The following WHRN variants were observed in gnomAD, a reference collection of about 807,000 sequenced individuals.
The protein encoded by WHRN is CASK-interacting protein CIP98.
In WHRN, 41 loss-of-function variants were observed where a neutral mutation model predicts 68.3. That is an observed-to-expected ratio of 0.60 (90% CI 0.47 to 0.78). The LOEUF (loss-of-function observed/expected upper bound fraction) is 0.78. Ranked by LOEUF, WHRN falls within the 30% of genes least tolerant of loss-of-function variation. WHRN has a pLI of 0.00. For synonymous variants in WHRN, 560 were observed against 561.3 expected, an observed-to-expected ratio of 1.00 and a Z score of 0.03; for missense variants, 1,243 against 1,244.7, an observed-to-expected ratio of 1.00 and a Z score of 0.02.
chr9:114,477,877 G>C (rs1841781308), intron 2 of WHRN, among the ~76,000 whole-genome samples: 1 of 152,188 alleles, frequency 6.6e-6, no homozygotes, highest in African/African-American at 2.4e-5. Context: ...GTGTGGCCAT[G>C]CACCTGGGTC....
chr9:114,423,648 T>C, intron 6 of WHRN, 125 bp from the exon 7 acceptor site: 4 of 896,578 alleles, frequency 4.5e-6, no homozygotes, highest in Non-Finnish European at 6.7e-6. Context: ...ACTGTCTGGC[T>C]CCCCAGTGCT....
At chr9:114,496,957 T>C (rs1177223935) in intron 1 of WHRN, among the ~76,000 whole-genome samples, 8 of 152,220 alleles carry the variant, frequency 5.3e-5, no homozygotes, top group Admixed American at 5.2e-4. Context: ...TTTATGGGGA[T>C]AAACAGTGTT....
At chr9:114,440,085 G>T (rs1838240086) in intron 3 of WHRN, among the ~76,000 whole-genome samples, 1 of 152,162 alleles carries the variant, frequency 6.6e-6, no homozygotes, top group Non-Finnish European at 1.5e-5. Context: ...GCTAATTTTT[G>T]TATTTTTAGT....
Position 114,504,373 on chromosome 9 carries a change from C to T in WHRN, c.429G>A (p.Leu143=). Residue 143 remains leucine, a synonymous_variant, in exon 1 of 12, where the codon TTG becomes TTA. Transcript: ENST00000362057. ...AGCCCTCGTGGGCCTTGGCACGCCGCAAACTCACCAGGCGCACCTCCCCTG... is the reference window on the plus strand; with the variant it reads ...AGCCCTCGTGGGCCTTGGCACGCCGTAAACTCACCAGGCGCACCTCCCCTG... ...AGPGEVRLVS[L]RRAKAHEGLG... 2 of 1,606,968 alleles carry T rather than the reference C, an allele frequency of 1.2e-6. No individual in the cohort carries two copies. Among genetic ancestry groups the T allele is most frequent in the East Asian group, 2.2e-5 (1 of 44,884 alleles).
intron 3 of WHRN, among the ~76,000 whole-genome samples, chr9:114,465,588 C>T (rs780933050): frequency 1.7e-4 from 26 of 152,146 alleles, no homozygotes; most frequent in Non-Finnish European, 3.4e-4. Context: ...TGTCCTGGGT[C>T]CAGCATCCTC....
At chr9:114,498,521 T>C (rs879765703) in intron 1 of WHRN, among the ~76,000 whole-genome samples, 1 of 152,176 alleles carries the variant, frequency 6.6e-6, no homozygotes, top group African/African-American at 2.4e-5. Flanking sequence ...TGGTAAGCAC[T>C]GCTCAGAGAA....
chr9:114,437,328 T>C (rs963821541), intron 3 of WHRN, among the ~76,000 whole-genome samples: 1 of 152,198 alleles, frequency 6.6e-6, no homozygotes, highest in Non-Finnish European at 1.5e-5. Context: ...AGTTCATCTA[T>C]ACCCTGGGCA....
At chr9:114,484,304 T>C (rs1371161005) in intron 1 of WHRN, among the ~76,000 whole-genome samples, 2 of 152,156 alleles carry the variant, frequency 1.3e-5, no homozygotes, top group Non-Finnish European at 2.9e-5. Flanking sequence ...CGCTAGTGAC[T>C]CTCCATCAAC....
chr9:114,467,558 T>G (rs1840827186), intron 2 of WHRN, among the ~76,000 whole-genome samples: 1 of 151,792 alleles, frequency 6.6e-6, no homozygotes, highest in South Asian at 2.1e-4. Context: ...ATGGGACGGC[T>G]CAAGTCAGTG....
At chr9:114,449,395 C>T (rs1175357641) in intron 3 of WHRN, among the ~76,000 whole-genome samples, 1 of 152,214 alleles carries the variant, frequency 6.6e-6, no homozygotes, top group Non-Finnish European at 1.5e-5. Flanking sequence ...AACAAATGAT[C>T]TCACCTTTTC....
chr9:114,449,999 T>C (rs887426346), intron 3 of WHRN, among the ~76,000 whole-genome samples: 10 of 152,112 alleles, frequency 6.6e-5, no homozygotes, highest in East Asian at 1.9e-4. Flanking sequence ...TGCTCCTCTA[T>C]AGTCTCTACG....
Position 114,402,295 on chromosome 9 carries a change from T to G in WHRN, c.*459A>C. 1 of 202,128 alleles carries G rather than the reference T, an allele frequency of 4.9e-6. No homozygotes were observed. The highest frequency in any genetic ancestry group is 1.0e-5 in the Non-Finnish European group (1 of 97,146). 12.5% of individuals were successfully genotyped at this position (202,128 alleles called of 1,614,324 possible). On this transcript the variant is annotated 3_prime_UTR_variant, in exon 12 of 12. Coordinates refer to ENST00000362057, the MANE Select transcript of WHRN (RefSeq NM_015404.4). ...AGGAATGGGGGTGTGAATGGGGAGG[T>G]GCTCGATGCTTATTTGTGGCACTAA...
chr9:114,483,520 A>G (rs1842249692), intron 1 of WHRN, among the ~76,000 whole-genome samples: 1 of 152,150 alleles, frequency 6.6e-6, no homozygotes, highest in Non-Finnish European at 1.5e-5. Context: ...CTCACCCACC[A>G]TTGCTACCTT....
chr9:114,458,441 T>C (rs754639656), intron 3 of WHRN, among the ~76,000 whole-genome samples: 21 of 152,220 alleles, frequency 1.4e-4, no homozygotes, highest in Admixed American at 2.6e-4. Flanking sequence ...TTTTTTCCTA[T>C]TGTGATTCAA....
intron 1 of WHRN, among the ~76,000 whole-genome samples, chr9:114,493,252 G>A (rs1047874429): frequency 1.3e-5 from 2 of 151,556 alleles, no homozygotes; most frequent in African/African-American, 4.9e-5. Flanking sequence ...TTGGGAGGCT[G>A]AGGCAAGCAG....
intron 8 of WHRN, among the ~76,000 whole-genome samples, chr9:114,407,555 A>G (rs1166570244): frequency 6.6e-6 from 1 of 152,192 alleles, no homozygotes; most frequent in Non-Finnish European, 1.5e-5. Context: ...CACAGCTCCA[A>G]CAACCTTCCA....
intron 2 of WHRN, among the ~76,000 whole-genome samples, chr9:114,477,719 G>A (rs997877328): frequency 6.6e-6 from 1 of 152,140 alleles, no homozygotes; most frequent in Admixed American, 6.5e-5. Flanking sequence ...TGAGATTCTC[G>A]GCTTCAATTC....
intron 2 of WHRN, among the ~76,000 whole-genome samples, chr9:114,468,319 G>A (rs1840900479): frequency 6.6e-6 from 1 of 152,128 alleles, no homozygotes; most frequent in Non-Finnish European, 1.5e-5. Flanking sequence ...TGGGAAACCT[G>A]ACAATGTCAC....
In WHRN at chr9:114,424,579, C is replaced by T. The variant is rs78371346; in HGVS notation, c.1204-33G>A. ...ACAGAAAGATAGAAGCCCAGGAATTCTTAGCTGCTCTAGAGCTGAGTGGCC... is the reference window on the plus strand; with the variant it reads ...ACAGAAAGATAGAAGCCCAGGAATTTTTAGCTGCTCTAGAGCTGAGTGGCC... On this transcript the variant is annotated intron_variant, in intron 5 of 11. Transcript: ENST00000362057. 2,713 of 1,573,082 alleles carry T rather than the reference C, an allele frequency of 1.7e-3. 15 individuals carry two copies. In the East Asian group the frequency reaches 0.02, roughly 11 times the overall value.
Sources: gnomAD v4.1 joint callset for allele counts (sites outside exome capture counted in the v4.1 genomes callset) on GRCh38, gnomAD v4.1.1 for gene constraint, MANE v1.5 for transcripts, NCBI Gene and HGNC (gene_info 2026-07-23, HGNC 2026-07-21) for gene names.